The following PCDHA1 variants were observed in gnomAD, a reference collection of about 807,000 sequenced individuals.
PCDHA1 encodes protocadherin alpha-1.
A neutral mutation model predicts 61.3 loss-of-function variants in PCDHA1; 42 were observed. The observed-to-expected ratio is 0.69, with a 90% CI of 0.54 to 0.89. The LOEUF is 0.89. Ranked by LOEUF, PCDHA1 falls within the 40% of genes least tolerant of loss-of-function variation. The pLI is 0.00. For synonymous variants in PCDHA1, 610 were observed against 553.8 expected (o/e 1.10, Z -1.43); for missense variants, 1,256 against 1,235.3 (o/e 1.02, Z -0.25).
intron 1 of PCDHA1, chr5:140,801,430 A>T (rs1762706585): frequency 2.5e-6 from 4 of 1,613,746 alleles, no homozygotes; most frequent in Non-Finnish European, 3.4e-6. Flanking sequence ...CTGGAGGTAA[A>T]TCTGCAGAAT....
rs185057371 is a variant in PCDHA1, at chr5:140,832,952, A to T, written c.2394+44268A>T. Among the ~76,000 whole-genome samples, 141 of 152,318 alleles carry T rather than the reference A, an allele frequency of 9.3e-4. 1 individual carries two copies. Among genetic ancestry groups the T allele is most frequent in the African/African-American group, 3.3e-3 (136 of 41,588 alleles). Reference sequence around the variant, plus strand: ...TGAGAAGAGAGTAACTTAAGTGAGTATACAGAAAATTCCAAATGTACCTAG... The same window carrying T: ...TGAGAAGAGAGTAACTTAAGTGAGTTTACAGAAAATTCCAAATGTACCTAG... On this transcript the variant is annotated intron_variant, in intron 1 of 3. Coordinates refer to ENST00000504120, the MANE Select transcript of PCDHA1 (RefSeq NM_018900.4).
chr5:140,848,730 C>T (rs1554142389), intron 1 of PCDHA1: 1 of 1,592,676 alleles, frequency 6.3e-7, no homozygotes, highest in Admixed American at 1.7e-5. Flanking sequence ...GGAGGTAAAT[C>T]TGCAGAATGG....
In PCDHA1 at chr5:140,803,432, G is replaced by A. The variant is rs1184973777; in HGVS notation, c.2394+14748G>A. 4 of 1,614,074 alleles carry A rather than the reference G, an allele frequency of 2.5e-6. No homozygotes were observed. The African/African-American group carries it at 5.3e-5, about 22-fold the overall frequency. On this transcript the variant is annotated intron_variant, in intron 1 of 3. Transcript: ENST00000504120. ...CCACGCTGGTGTGCTCCAGCGCGGT[G>A]GGGAGCTGGTCATACTCGCAGCAGA...
At chr5:140,963,060 T>C (rs539314958) in intron 1 of PCDHA1, among the ~76,000 whole-genome samples, 11 of 152,154 alleles carry the variant, frequency 7.2e-5, no homozygotes, top group Non-Finnish European at 1.6e-4. Context: ...GGTTTCTACA[T>C]TGTGAAGGAG....
intron 1 of PCDHA1, chr5:140,804,727 AC>A (rs1277154639): frequency 5.3e-6 from 1 of 188,334 alleles, no homozygotes; most frequent in African/African-American, 2.3e-5. Context: ...TCTAATCACT[AC>A]CCCTACATAT....
rs182574783 is a variant in PCDHA1, at chr5:140,952,922, G to A, written c.2395-26027G>A. Among the ~76,000 whole-genome samples the A allele has an allele frequency of 2.3e-3, 351 of 152,216 alleles. 2 individuals carry two copies. Among genetic ancestry groups the A allele is most frequent in the Admixed American group, 5.6e-3 (85 of 15,264 alleles). Reference sequence around the variant, plus strand: ...ATCAAGCTCATCTTACATGGCATGAGCAGGAGCAGGAGCAAGAGAGAGAGA... The same window carrying A: ...ATCAAGCTCATCTTACATGGCATGAACAGGAGCAGGAGCAAGAGAGAGAGA... On this transcript the variant is annotated intron_variant, in intron 1 of 3. Transcript: ENST00000504120.
chr5:140,874,295 C>G (rs1395734627), intron 1 of PCDHA1, among the ~76,000 whole-genome samples: 2 of 152,110 alleles, frequency 1.3e-5, no homozygotes, highest in Non-Finnish European at 2.9e-5. Context: ...TCTATGTGTA[C>G]TTGTTCACAA....
intron 1 of PCDHA1, chr5:140,817,098 T>C (rs1766065585): frequency 6.6e-6 from 1 of 152,248 alleles, no homozygotes; most frequent in African/African-American, 2.4e-5. Flanking sequence ...GCCACCCAGC[T>C]CTTTATTATT....
intron 1 of PCDHA1, among the ~76,000 whole-genome samples, chr5:140,840,700 CA>C (rs1776825723): frequency 6.6e-6 from 1 of 151,868 alleles, no homozygotes; most frequent in African/African-American, 2.4e-5. Context: ...ACGGTTCAGG[CA>C]ATTTGACATT....
intron 1 of PCDHA1, chr5:140,856,566 CA>C (rs1554148860): frequency 6.3e-7 from 1 of 1,597,240 alleles, no homozygotes; most frequent in South Asian, 1.1e-5. Flanking sequence ...AAACTCAGTC[CA>C]AATGAGTATT....
In PCDHA1 at chr5:140,876,415, G is replaced by C. The variant is rs782679956; in HGVS notation, c.2394+87731G>C. 3 of 1,613,842 alleles carry C rather than the reference G, an allele frequency of 1.9e-6. No individual in the cohort carries two copies. The African/African-American group carries it at 4.0e-5, about 22-fold the overall frequency. On this transcript the variant is annotated intron_variant, in intron 1 of 3. Transcript: ENST00000504120. ...TGAACTGGATTTTGAAGAGAATAATGCCTATGAAATTCAGGTTAACGCCAT... is the reference window on the plus strand; with the variant it reads ...TGAACTGGATTTTGAAGAGAATAATCCCTATGAAATTCAGGTTAACGCCAT...
At chr5:140,869,628 T>TGAGTATTTTTCTTTA in intron 1 of PCDHA1, 1 of 1,613,700 alleles carries the variant, frequency 6.2e-7, no homozygotes, top group Non-Finnish European at 8.5e-7. Flanking sequence ...TAAGTAAAAA[T>TGAGTATTTTTCTTTA]GAGTATTTTT....
intron 1 of PCDHA1, among the ~76,000 whole-genome samples, chr5:140,951,625 A>T (rs2094607568): frequency 6.6e-6 from 1 of 152,114 alleles, no homozygotes; most frequent in African/African-American, 2.4e-5. Flanking sequence ...CAAGGGGGAA[A>T]CCTGCCCCAT....
intron 2 of PCDHA1, among the ~76,000 whole-genome samples, chr5:140,979,831 A>G (rs1401761792): frequency 5.3e-5 from 8 of 152,236 alleles, no homozygotes; most frequent in African/African-American, 1.9e-4. Context: ...TTAAAGAAGA[A>G]ATAATCTTCA....
At position 140,849,851 on chromosome 5, in the gene PCDHA1, A is replaced by T. The variant is rs148732691; in HGVS notation, c.2394+61167A>T. On this transcript the variant is annotated intron_variant, in intron 1 of 3. Coordinates refer to ENST00000504120, the MANE Select transcript of PCDHA1 (RefSeq NM_018900.4). Reference sequence around the variant, plus strand: ...AGGTGGCCGACGTGAACGACAACGCACCAGCGTTCGCGCAGTCCGAGTACA... The same window carrying T: ...AGGTGGCCGACGTGAACGACAACGCTCCAGCGTTCGCGCAGTCCGAGTACA... The T allele has an allele frequency of 4.9e-4, 784 of 1,598,368 alleles. 43 individuals are homozygous for T. The African/African-American group carries it at 9.3e-3, about 19-fold the overall frequency.
chr5:140,834,241 G>C, intron 1 of PCDHA1: 1 of 811,066 alleles, frequency 1.2e-6, no homozygotes, highest in Non-Finnish European at 1.9e-6. Flanking sequence ...ATTCCTTTTC[G>C]CACTGGAAAG....
At chr5:140,828,189 A>G (rs2150152143) in intron 1 of PCDHA1, 1 of 1,613,890 alleles carries the variant, frequency 6.2e-7, no homozygotes, top group African/African-American at 1.3e-5. Context: ...CAGCTCCACT[A>G]CTCCGTACCC....
At chr5:140,841,029 T>C (rs1554137976) in intron 1 of PCDHA1, among the ~76,000 whole-genome samples, 2 of 152,050 alleles carry the variant, frequency 1.3e-5, no homozygotes, top group African/African-American at 2.4e-5. Context: ...GCCTCTGCAA[T>C]TGATAAAGTT....
intron 1 of PCDHA1, chr5:140,876,602 G>A (rs572945874): frequency 6.2e-7 from 1 of 1,614,180 alleles, no homozygotes; most frequent in Non-Finnish European, 8.5e-7. Flanking sequence ...GTGTCGGATC[G>A]TGACTCTGGA....
Sources: allele counts gnomAD v4.1 joint callset (sites outside exome capture counted in the v4.1 genomes callset), GRCh38; gene constraint gnomAD v4.1.1; transcripts MANE v1.5; gene names NCBI Gene and HGNC (gene_info 2026-07-23, HGNC 2026-07-21).